Variants in ACOT12 observed in about 807,000 individuals in gnomAD.
ACOT12 encodes the protein acyl-CoA thioesterase 12, also known as acetyl-coenzyme A thioesterase.
ACOT12 carries 51 observed loss-of-function variants against 67.7 expected under a neutral mutation model. The ratio of observed to expected loss-of-function variants is 0.75; its 90% CI spans 0.60 to 0.95. The LOEUF (loss-of-function observed/expected upper bound fraction) is 0.95, where lower values mean the gene tolerates loss of function less well. ACOT12 is among the 40% of genes least tolerant of loss of function. The pLI is 0.00. For missense variants in ACOT12, 734 were observed against 708.1 expected (o/e 1.04, Z -0.41); for synonymous variants, 251 against 244.6 (o/e 1.03, Z -0.24).
At chr5:81,309,181 C>T in the ACOT12 span, 1 of 604,870 alleles carries the variant, frequency 1.7e-6, no homozygotes, top group Non-Finnish European at 2.7e-6. Flanking sequence ...CAAGTGCTAT[C>T]ATATGTACTA....
At chr5:81,328,058 G>A (rs973998225), downstream of ACOT12, among the ~76,000 whole-genome samples, 2 of 152,094 alleles carry the variant, frequency 1.3e-5, no homozygotes, top group African/African-American at 4.8e-5. Flanking sequence ...AGTCTCACCA[G>A]GTTCTTTGCT....
chr5:81,363,421 T>TA (rs58764401), intron 4 of ACOT12, among the ~76,000 whole-genome samples: 1 of 152,184 alleles, frequency 6.6e-6, no homozygotes, highest in Non-Finnish European at 1.5e-5. Flanking sequence ...CTTGCTTTTT[T>TA]AAAAAAAGAT....
At chr5:81,354,704 CTT>C (rs68032491) in intron 5 of ACOT12, among the ~76,000 whole-genome samples, 1 of 148,432 alleles carries the variant, frequency 6.7e-6, no homozygotes, top group Admixed American at 6.7e-5. Flanking sequence ...TCAATTATGT[CTT>C]TTTTTTTTTA....
At chr5:81,308,642 A>T in the ACOT12 span, 1 of 1,613,932 alleles carries the variant, frequency 6.2e-7, no homozygotes, top group Admixed American at 1.7e-5. Context: ...GGGCACTGGG[A>T]TATGTTACAG....
intron 5 of ACOT12, among the ~76,000 whole-genome samples, chr5:81,355,510 A>G (rs1233328923): frequency 2.0e-5 from 3 of 152,244 alleles, no homozygotes; most frequent in Middle Eastern, 3.2e-3. Flanking sequence ...TCTAAAAATC[A>G]AAACAATTGA....
At chr5:81,387,153 G>C (rs1760750784) in intron 1 of ACOT12, among the ~76,000 whole-genome samples, 1 of 151,822 alleles carries the variant, frequency 6.6e-6, no homozygotes, top group Non-Finnish European at 1.5e-5. Context: ...CTACAGGTGT[G>C]CACCACCATG....
At position 81,344,146 on chromosome 5, in the gene ACOT12, C is replaced by A. The variant is rs926728644; in HGVS notation, c.980+14G>T. 3 of 1,613,176 alleles carry A rather than the reference C, an allele frequency of 1.9e-6. No homozygotes were observed. Among genetic ancestry groups the A allele is most frequent in the Non-Finnish European group, 2.5e-6 (3 of 1,179,568 alleles). ...CGAAGACTCCATAAAATCATTACACCTTATGTTCCTTACCTGCCTAGGCGA... is the reference window on the plus strand; with the variant it reads ...CGAAGACTCCATAAAATCATTACACATTATGTTCCTTACCTGCCTAGGCGA... On this transcript the variant is annotated intron_variant, in intron 9 of 14. Coordinates refer to ENST00000307624, the MANE Select transcript of ACOT12 (RefSeq NM_130767.3).
chr5:81,361,039 C>G (rs1218659515), intron 4 of ACOT12, among the ~76,000 whole-genome samples: 8 of 136,982 alleles, frequency 5.8e-5, no homozygotes, highest in African/African-American at 2.2e-4. Context: ...GATCATGCCA[C>G]TGCACTCCAG....
chr5:81,393,408 C>T (rs1271758592), intron 1 of ACOT12, among the ~76,000 whole-genome samples: 1 of 152,180 alleles, frequency 6.6e-6, no homozygotes, highest in Non-Finnish European at 1.5e-5. Flanking sequence ...TAAACAAAAG[C>T]TGCCTGGGTG....
chr5:81,370,992 C>G (rs1169985729), intron 3 of ACOT12, among the ~76,000 whole-genome samples: 1 of 152,130 alleles, frequency 6.6e-6, no homozygotes, highest in Non-Finnish European at 1.5e-5. Context: ...GAATAAAAAT[C>G]TTCTAAATTT....
the ACOT12 span, among the ~76,000 whole-genome samples, chr5:81,319,641 C>T: frequency 5.9e-5 from 9 of 151,306 alleles, no homozygotes; most frequent in Admixed American, 3.3e-4. Flanking sequence ...CGCTTGAACC[C>T]GGGAGGTGGA....
chr5:81,385,739 T>C lies in ACOT12; in HGVS notation c.197+18A>G. The C allele has an allele frequency of 6.2e-7, 1 of 1,613,190 alleles. No homozygotes were observed. On this transcript the variant is annotated intron_variant, in intron 2 of 14. Transcript: ENST00000307624. ...CCACAAACCCAGGAGAAAGGAGCCA[T>C]GGAGCAATGTCACTTACCTAGCTGT...
rs1188747864 is a variant in ACOT12, at chr5:81,363,770, T to C, written c.360+18A>G. ...CCCTGAATTACATGCTAGATACATC[T>C]TCACATACAAAATTTACCTTTTCTT... On this transcript the variant is annotated intron_variant, in intron 4 of 14. Coordinates refer to ENST00000307624, the MANE Select transcript of ACOT12 (RefSeq NM_130767.3). The C allele has an allele frequency of 3.1e-6, 5 of 1,588,484 alleles. No homozygotes were observed. In the Admixed American group the frequency reaches 5.2e-5, roughly 16 times the overall value.
chr5:81,342,672 C>T lies in ACOT12; in HGVS notation c.1128G>A (p.Lys376=). The part of the protein sequence containing the change: ...RGWEVTSTVE[K]IKIYTLEEHD... ...ATGCAAATACCTGGAAGTGTCCTAC[C>T]TTTTCCACAGTGCTGGTAACCTCCC... Residue 376 remains lysine (K), a splice_region_variant and synonymous_variant, in exon 11 of 15, where the codon AAG becomes AAA. Coordinates refer to ENST00000307624, the MANE Select transcript of ACOT12 (RefSeq NM_130767.3). 1 of 1,614,124 alleles carries T rather than the reference C, an allele frequency of 6.2e-7. No homozygotes were observed. The highest frequency in any genetic ancestry group is 1.1e-5 in the South Asian group (1 of 91,074).
the ACOT12 span, among the ~76,000 whole-genome samples, chr5:81,318,559 A>T: frequency 6.6e-6 from 1 of 152,144 alleles, no homozygotes; most frequent in African/African-American, 2.4e-5. Flanking sequence ...CACAATGAGC[A>T]TTAGTTCATC....
the ACOT12 span, among the ~76,000 whole-genome samples, chr5:81,318,808 C>T: frequency 6.6e-6 from 1 of 152,276 alleles, no homozygotes; most frequent in East Asian, 1.9e-4. Context: ...CCACCACACT[C>T]AGGAGATGGG....
intron 3 of ACOT12, among the ~76,000 whole-genome samples, chr5:81,369,537 A>G (rs1276395861): frequency 6.6e-6 from 1 of 152,220 alleles, no homozygotes; most frequent in Non-Finnish European, 1.5e-5. Context: ...AAAGTATGAC[A>G]AAATTTAGAG....
intron 5 of ACOT12, among the ~76,000 whole-genome samples, chr5:81,356,001 G>T (rs1759699567): frequency 6.6e-6 from 1 of 152,190 alleles, no homozygotes; most frequent in Admixed American, 6.5e-5. Context: ...TCCTGCAACA[G>T]ATGACACTCG....
chr5:81,392,616 T>C (rs555580611), intron 1 of ACOT12, among the ~76,000 whole-genome samples: 1 of 152,206 alleles, frequency 6.6e-6, no homozygotes, highest in Non-Finnish European at 1.5e-5. Flanking sequence ...TCTCATAATG[T>C]ATTCAGTTGC....
Sources: gnomAD v4.1 joint callset for allele counts (sites outside exome capture counted in the v4.1 genomes callset) on GRCh38, gnomAD v4.1.1 for gene constraint, MANE v1.5 for transcripts, NCBI Gene and HGNC (gene_info 2026-07-23, HGNC 2026-07-21) for gene names.